EYA1: variants seen among roughly 807,000 people sequenced by gnomAD.
EYA1 encodes protein phosphatase EYA1.
A neutral mutation model predicts 82.0 loss-of-function variants in EYA1; 16 were observed. The ratio of observed to expected loss-of-function variants is 0.20; its 90% CI spans 0.13 to 0.30. The LOEUF is 0.30. Ranked by LOEUF, EYA1 falls within the 10% of genes least tolerant of loss-of-function variation. EYA1 has a pLI of 1.00. For synonymous variants in EYA1, 261 were observed against 264.4 expected (o/e 0.99, Z 0.12); for missense variants, 633 against 730.7 (o/e 0.87, Z 1.54).
At chr8:71,408,802 TAGAC>T (rs1830425350) in intron 2 of EYA1, among the ~76,000 whole-genome samples, 1 of 137,106 alleles carries the variant, frequency 7.3e-6, no homozygotes, top group African/African-American at 2.9e-5. Context: ...TTGTCAACAT[TAGAC>T]AGATCAACGA....
intron 17 of EYA1, among the ~76,000 whole-genome samples, chr8:71,208,544 T>A (rs1808114395): frequency 1.3e-5 from 2 of 152,166 alleles, no homozygotes; most frequent in African/African-American, 4.8e-5. Context: ...TCATGTCCGC[T>A]CTACCAACAA....
At chr8:71,453,211 C>G (rs1807543282) in intron 2 of EYA1, among the ~76,000 whole-genome samples, 2 of 152,118 alleles carry the variant, frequency 1.3e-5, no homozygotes, top group Admixed American at 6.6e-5. Context: ...GAGAAGAGAA[C>G]TTTAGAGAAA....
upstream of EYA1, among the ~76,000 whole-genome samples, chr8:71,363,027 C>A (rs1827527900): frequency 6.6e-6 from 1 of 152,158 alleles, no homozygotes; most frequent in Admixed American, 6.5e-5. Context: ...ATACTAGTCA[C>A]TCGTTGTAAC....
intron 2 of EYA1, among the ~76,000 whole-genome samples, chr8:71,473,636 G>C (rs557624107): frequency 6.6e-6 from 1 of 152,322 alleles, no homozygotes; most frequent in Admixed American, 6.5e-5. Flanking sequence ...GTGGAAGACA[G>C]TGTGGCGATT....
At chr8:71,390,984 T>C (rs1271849046) in intron 2 of EYA1, among the ~76,000 whole-genome samples, 3 of 152,128 alleles carry the variant, frequency 2.0e-5, no homozygotes, top group Non-Finnish European at 4.4e-5. Context: ...GTTTTTGTTT[T>C]TGTTTTTGAG....
chr8:71,262,762 G>C (rs2128934624), intron 11 of EYA1, among the ~76,000 whole-genome samples: 1 of 152,314 alleles, frequency 6.6e-6, no homozygotes, highest in Non-Finnish European at 1.5e-5. Context: ...GGAAAAGAGA[G>C]AAACCTTCAA....
chr8:71,410,253 C>T (rs994252105), intron 2 of EYA1, among the ~76,000 whole-genome samples: 12 of 125,706 alleles, frequency 9.5e-5, no homozygotes, highest in Non-Finnish European at 1.7e-5. Context: ...CTATCTATGA[C>T]AAACCCACAG....
At chr8:71,347,962 A>G (rs1445938274) in intron 3 of EYA1, among the ~76,000 whole-genome samples, 1 of 151,338 alleles carries the variant, frequency 6.6e-6, no homozygotes, top group African/African-American at 2.4e-5. Context: ...ATAAGCTCTC[A>G]CTTATAAATT....
chr8:71,256,695 T>C (rs1381254464), intron 11 of EYA1, among the ~76,000 whole-genome samples: 1 of 152,156 alleles, frequency 6.6e-6, no homozygotes, highest in Admixed American at 6.5e-5. Context: ...TTTATGTGTA[T>C]ATCAAAATTA....
chr8:71,334,295 C>G, intron 3 of EYA1, 121 bp from the exon 4 acceptor site: 1 of 826,160 alleles, frequency 1.2e-6, no homozygotes, highest in East Asian at 2.5e-5. Flanking sequence ...TTTTCCCTAA[C>G]TGAACATATA....
At chr8:71,319,194 A>C (rs983093272) in intron 6 of EYA1, among the ~76,000 whole-genome samples, 1 of 151,420 alleles carries the variant, frequency 6.6e-6, no homozygotes, top group African/African-American at 2.4e-5. Flanking sequence ...GCAGTGGCGC[A>C]ATCTCAGCTC....
At chr8:71,416,914 C>T (rs1409386339) in intron 2 of EYA1, among the ~76,000 whole-genome samples, 1 of 152,050 alleles carries the variant, frequency 6.6e-6, no homozygotes, top group Non-Finnish European at 1.5e-5. Flanking sequence ...GAGGGTGTTG[C>T]CAAAGGAGAT....
At chr8:71,509,302 T>C (rs770896423) in intron 2 of EYA1, among the ~76,000 whole-genome samples, 6 of 152,226 alleles carry the variant, frequency 3.9e-5, no homozygotes, top group Non-Finnish European at 7.3e-5. Context: ...TTTGTGGAAG[T>C]ATCCTAAATC....
At chr8:71,279,843 T>G (rs187039134) in intron 9 of EYA1, among the ~76,000 whole-genome samples, 5 of 152,190 alleles carry the variant, frequency 3.3e-5, no homozygotes, top group East Asian at 1.9e-4. Flanking sequence ...TTCTCCTTTT[T>G]TGTGTGTGTG....
At chr8:71,402,170 G>T (rs79541683) in intron 2 of EYA1, among the ~76,000 whole-genome samples, 16,266 of 152,142 alleles carry the variant, frequency 0.11, 2,522 homozygotes, top group African/African-American at 0.35. Context: ...AAATGGGCAG[G>T]TTTCTACTTT....
intron 2 of EYA1, among the ~76,000 whole-genome samples, chr8:71,472,865 C>T (rs1320249225): frequency 6.9e-6 from 1 of 145,340 alleles, no homozygotes; most frequent in African/African-American, 2.5e-5. Flanking sequence ...ATTTATATTG[C>T]CACCTTACTG....
At chr8:71,344,957 T>G (rs531265212) in intron 3 of EYA1, among the ~76,000 whole-genome samples, 3 of 152,166 alleles carry the variant, frequency 2.0e-5, no homozygotes, top group Non-Finnish European at 4.4e-5. Flanking sequence ...CCTAACCACA[T>G]TGAGTATTAA....
At chr8:71,280,933 AT>A (rs10706029) in intron 9 of EYA1, among the ~76,000 whole-genome samples, 13,352 of 151,964 alleles carry the variant, frequency 0.088, 1,042 homozygotes, top group East Asian at 0.43. Flanking sequence ...ATTTTTTGTA[AT>A]TTTTATACAG....
At chr8:71,273,808 T>C (rs1053747918) in intron 9 of EYA1, among the ~76,000 whole-genome samples, 6 of 152,344 alleles carry the variant, frequency 3.9e-5, no homozygotes, top group Admixed American at 3.9e-4. Context: ...GAAGTAAGTA[T>C]TTGAAGAGAA....
Sources: allele counts gnomAD v4.1 joint callset (sites outside exome capture counted in the v4.1 genomes callset), GRCh38; gene constraint gnomAD v4.1.1; transcripts MANE v1.5; gene names NCBI Gene and HGNC (gene_info 2026-07-23, HGNC 2026-07-21).